Variants in ALPK1 observed in about 807,000 individuals in gnomAD.
The protein encoded by ALPK1 is alpha kinase 1.
In ALPK1, 110 loss-of-function variants were observed where a neutral mutation model predicts 120.6. The observed-to-expected ratio is 0.91, with a 90% CI of 0.78 to 1.07. The LOEUF (loss-of-function observed/expected upper bound fraction) is 1.07, where lower values mean the gene tolerates loss of function less well. ALPK1 is among the 50% of genes least tolerant of loss of function. ALPK1 has a pLI of 0.00. For synonymous variants in ALPK1, 582 were observed against 560.3 expected (o/e 1.04, Z -0.55); for missense variants, 1,498 against 1,483.9 (o/e 1.01, Z -0.16).
chr4:112,304,426 T>C lies in ALPK1; in HGVS notation c.-153+6957T>C, dbSNP rs575551685. Among the ~76,000 whole-genome samples, 119 of 152,264 alleles carry C rather than the reference T, an allele frequency of 7.8e-4. 4 individuals carry two copies. In the East Asian group the frequency reaches 0.022, roughly 29 times the overall value. ...TCCAGCACCTGTTGTTTCCTGACTT[T>C]TTAATGATTGCCATTCTAACTGGTG... On this transcript the variant is annotated intron_variant, in intron 1 of 15. Transcript: ENST00000650871.
chr4:112,411,910 G>A lies in ALPK1; in HGVS notation c.360G>A (p.Gly120=), dbSNP rs758388317. ...TCTTGGTGGACCGGTTCCTGTATGGGCTCGACGTCTCTGGAAAACTTCTGC... is the reference window on the plus strand; with the variant it reads ...TCTTGGTGGACCGGTTCCTGTATGGACTCGACGTCTCTGGAAAACTTCTGC... ...IVFLVDRFLY[G]LDVSGKLLQV... is the part of the protein sequence containing the mutation. Residue 120 remains glycine, a synonymous_variant, in exon 5 of 16, where the codon GGG becomes GGA. Transcript: ENST00000650871. The A allele has an allele frequency of 4.3e-6, 7 of 1,614,080 alleles. 1 individual carries two copies. In the South Asian group the frequency reaches 7.7e-5, roughly 18 times the overall value.
chr4:112,415,137 G>A (rs1733681291), intron 5 of ALPK1: 2 of 152,148 alleles, frequency 1.3e-5, no homozygotes, highest in Non-Finnish European at 2.9e-5. Context: ...ACTCTGTGCC[G>A]AATTTGAGTG....
intron 1 of ALPK1, chr4:112,302,280 G>A (rs1189959577): frequency 6.6e-6 from 1 of 152,156 alleles, no homozygotes; most frequent in Non-Finnish European, 1.5e-5. Flanking sequence ...AAAGCCTAAA[G>A]GCTTCTGGAG....
chr4:112,353,708 A>C (rs1358198265), intron 2 of ALPK1, among the ~76,000 whole-genome samples: 2 of 152,110 alleles, frequency 1.3e-5, no homozygotes, highest in Non-Finnish European at 2.9e-5. Context: ...TCTCTACTAA[A>C]AACACAAAAA....
At chr4:112,401,066 G>A (rs1457157367) in intron 4 of ALPK1, among the ~76,000 whole-genome samples, 1 of 152,204 alleles carries the variant, frequency 6.6e-6, no homozygotes, top group Non-Finnish European at 1.5e-5. Flanking sequence ...GTGTACTCCA[G>A]AGATTCTGAT....
chr4:112,421,379 T>C (rs769680974), intron 5 of ALPK1, among the ~76,000 whole-genome samples: 1 of 152,202 alleles, frequency 6.6e-6, no homozygotes, highest in Non-Finnish European at 1.5e-5. Flanking sequence ...TCTTAGAAGC[T>C]CTTTCGCTTG....
chr4:112,329,549 C>A (rs1729268954), intron 2 of ALPK1, among the ~76,000 whole-genome samples: 1 of 152,176 alleles, frequency 6.6e-6, no homozygotes, highest in Admixed American at 6.5e-5. Flanking sequence ...CATGAGGTTC[C>A]AGTTAACCTA....
intron 2 of ALPK1, among the ~76,000 whole-genome samples, chr4:112,376,219 G>C (rs762980708): frequency 1.3e-5 from 2 of 152,206 alleles, no homozygotes; most frequent in Non-Finnish European, 2.9e-5. Flanking sequence ...CTTGCTCTTA[G>C]TGACTAATTC....
At chr4:112,305,007 C>A (rs562417073) in intron 1 of ALPK1, among the ~76,000 whole-genome samples, 310 of 152,102 alleles carry the variant, frequency 2.0e-3, no homozygotes, top group Admixed American at 4.6e-3. Context: ...TAAATAGGGA[C>A]TCCTTTCCCC....
chr4:112,423,895 A>T, intron 5 of ALPK1, 49 bp from the exon 6 acceptor site: 1 of 1,576,374 alleles, frequency 6.3e-7, no homozygotes, highest in Non-Finnish European at 8.7e-7. Context: ...TGTAATTGTT[A>T]AGTGCATGTT....
chr4:112,418,619 C>T lies in ALPK1; in HGVS notation c.476-5325C>T, dbSNP rs544226419. The stretch of plus-strand genomic sequence containing the variant: ...CCTTCCCATGCAGCGTCCTTCCACA[C>T]CCCACGATGACAAGGCTTACCATCT... On this transcript the variant is annotated intron_variant, in intron 5 of 15. Transcript: ENST00000650871. Among the ~76,000 whole-genome samples the T allele has an allele frequency of 2.0e-5, 3 of 152,334 alleles. No individual in the cohort carries two copies. The South Asian group carries it at 6.2e-4, about 32-fold the overall frequency.
At chr4:112,420,841 A>AAGAGAG (rs141678964) in intron 5 of ALPK1, among the ~76,000 whole-genome samples, 5 of 149,510 alleles carry the variant, frequency 3.3e-5, no homozygotes, top group African/African-American at 1.2e-4. Context: ...CATAGAGAGA[A>AAGAGAG]AGAGAGAGAG....
intron 2 of ALPK1, among the ~76,000 whole-genome samples, chr4:112,375,615 T>C (rs1449142792): frequency 6.6e-6 from 1 of 152,232 alleles, no homozygotes; most frequent in African/African-American, 2.4e-5. Flanking sequence ...GATGAGGGTT[T>C]GGCTTAAGGG....
Position 112,441,030 on chromosome 4 carries a change from T to C in ALPK1, c.3652T>C (p.Phe1218Leu), listed in dbSNP as rs1423287882. 2 of 1,614,040 alleles carry C rather than the reference T, an allele frequency of 1.2e-6. No individual in the cohort carries two copies. The highest frequency in any genetic ancestry group is 1.7e-6 in the Non-Finnish European group (2 of 1,179,926). The change falls in exon 15 of 16, where the codon TTT becomes CTT. Residue 1218 changes from phenylalanine (F) to leucine (L), a missense_variant. Phe to Leu is a conservative substitution (Grantham distance 22). Transcript: ENST00000650871. Reference protein sequence around the residue: ...NFGKRGIFYFFNNQHVECNEI... With the variant: ...NFGKRGIFYFLNNQHVECNEI... Reference sequence around the variant, plus strand: ...TGGAAAGAGAGGAATTTTTTACTTCTTTAATAACCAGCATGTGGAATGTAA... The same window carrying C: ...TGGAAAGAGAGGAATTTTTTACTTCCTTAATAACCAGCATGTGGAATGTAA...
chr4:112,338,556 T>G (rs1729727972), intron 2 of ALPK1, among the ~76,000 whole-genome samples: 1 of 152,162 alleles, frequency 6.6e-6, no homozygotes, highest in Non-Finnish European at 1.5e-5. Flanking sequence ...AGGAAAAGCC[T>G]ACAGAAAAGA....
chr4:112,440,574 T>A (rs1254592655), intron 14 of ALPK1, among the ~76,000 whole-genome samples: 1 of 152,156 alleles, frequency 6.6e-6, no homozygotes, highest in Non-Finnish European at 1.5e-5. Flanking sequence ...ACTAAAGAAA[T>A]CTCTGAATCA....
At chr4:112,375,612 G>GT (rs1230736508) in intron 2 of ALPK1, among the ~76,000 whole-genome samples, 3 of 152,170 alleles carry the variant, frequency 2.0e-5, no homozygotes, top group African/African-American at 7.2e-5. Context: ...CTAGATGAGG[G>GT]TTTGGCTTAA....
At chr4:112,356,380 G>C in intron 2 of ALPK1, 1 of 836,696 alleles carries the variant, frequency 1.2e-6, no homozygotes, top group South Asian at 1.3e-5. Flanking sequence ...TCTCAGATCA[G>C]GCCTTTGTCA....
chr4:112,369,359 G>A (rs1388808916), intron 2 of ALPK1, among the ~76,000 whole-genome samples: 2 of 152,218 alleles, frequency 1.3e-5, no homozygotes, highest in Admixed American at 1.3e-4. Flanking sequence ...AGGCAATATG[G>A]TGATAGTTTA....
Sources: allele counts gnomAD v4.1 joint callset (sites outside exome capture counted in the v4.1 genomes callset), GRCh38; gene constraint gnomAD v4.1.1; transcripts MANE v1.5; gene names NCBI Gene and HGNC (gene_info 2026-07-23, HGNC 2026-07-21).